WSCD2: variants seen among roughly 807,000 people sequenced by gnomAD.
WSCD2 encodes WSC domain sialate O sulfotransferase 2, also known as sialate:O-sulfotransferase 2.
WSCD2 carries 28 observed loss-of-function variants against 55.7 expected under a neutral mutation model. The ratio of observed to expected loss-of-function variants is 0.50; its 90% CI spans 0.37 to 0.69. The LOEUF is 0.69. Among genes scored for constraint, WSCD2 ranks in the 30% least tolerant of loss-of-function variants. The pLI is 0.00. For synonymous variants in WSCD2, 301 were observed against 301.9 expected (o/e 1.00, Z 0.03); for missense variants, 616 against 762.1 (o/e 0.81, Z 2.26).
intron 1 of WSCD2, among the ~76,000 whole-genome samples, chr12:108,168,168 C>T (rs553337694): frequency 6.6e-6 from 1 of 152,260 alleles, no homozygotes; most frequent in South Asian, 2.1e-4. Flanking sequence ...ACTAATTTTG[C>T]CTGGAAGCCG....
At chr12:108,132,075 C>T (rs1038011119) in intron 1 of WSCD2, among the ~76,000 whole-genome samples, 5 of 151,778 alleles carry the variant, frequency 3.3e-5, no homozygotes, top group Admixed American at 6.6e-5. Flanking sequence ...TGTGTGCCTG[C>T]GTATGCACAC....
intron 1 of WSCD2, among the ~76,000 whole-genome samples, chr12:108,137,993 C>T (rs1167603899): frequency 6.6e-6 from 1 of 152,212 alleles, no homozygotes; most frequent in Non-Finnish European, 1.5e-5. Flanking sequence ...CTCTCAGCCT[C>T]AGTGGCATCC....
In WSCD2 at chr12:108,196,139, A is replaced by G. The variant is rs761672636; in HGVS notation, c.307A>G (p.Lys103Glu). The change falls in exon 2 of 9, where the codon AAG becomes GAG. Residue 103 changes from lysine to glutamate, a missense_variant. Around this residue, in one of 3 missense-constraint regions of WSCD2, gnomAD observed 374 missense variants for 467.4 expected, o/e 0.80. Coordinates refer to ENST00000547525, the MANE Select transcript of WSCD2 (RefSeq NM_014653.4). ...FKGKDGNERA[K>E]LGDYGGAWSR... ...GGGCAAGGATGGGAATGAGAGAGCC[A>G]AGCTTGGCGACTACGGTGGAGCCTG... is the stretch of plus-strand genomic sequence containing the variant. 3.7e-6 allele frequency: 6 copies of G among 1,614,152 alleles called. No homozygotes were observed. The South Asian group carries it at 6.6e-5, about 18-fold the overall frequency.
intron 1 of WSCD2, among the ~76,000 whole-genome samples, chr12:108,146,879 C>T (rs959388778): frequency 2.0e-5 from 3 of 152,300 alleles, no homozygotes; most frequent in South Asian, 2.1e-4. Flanking sequence ...CAGAGGTTCC[C>T]AAAAGTCCGG....
intron 5 of WSCD2, among the ~76,000 whole-genome samples, chr12:108,225,487 T>C (rs1426265637): frequency 6.6e-6 from 1 of 152,010 alleles, no homozygotes; most frequent in East Asian, 1.9e-4. Context: ...AGGGGTGACA[T>C]TTGAACTGGG....
intron 1 of WSCD2, among the ~76,000 whole-genome samples, chr12:108,181,480 T>C (rs1407653631): frequency 6.6e-6 from 1 of 152,096 alleles, no homozygotes; most frequent in Non-Finnish European, 1.5e-5. Context: ...TGGCCTGGGA[T>C]AAGAAGAGTA....
intron 4 of WSCD2, among the ~76,000 whole-genome samples, chr12:108,214,122 C>T (rs562461143): frequency 6.6e-6 from 1 of 152,224 alleles, no homozygotes; most frequent in Non-Finnish European, 1.5e-5. Context: ...TGAGCGAACA[C>T]TCCAGCAAAC....
At chr12:108,227,893 T>C (rs1888315386) in intron 6 of WSCD2, among the ~76,000 whole-genome samples, 1 of 152,100 alleles carries the variant, frequency 6.6e-6, no homozygotes, top group Non-Finnish European at 1.5e-5. Flanking sequence ...ATGACGATGA[T>C]GGTGATGAGA....
In WSCD2 at chr12:108,206,528, T is replaced by C. The variant is rs115310794; in HGVS notation, c.497+125T>C. On this transcript the variant is annotated intron_variant, in intron 3 of 8. Transcript: ENST00000547525. ...GGTGAGCACGTGACCACAGGAAAGG[T>C]TGACGCAAGGGTGTGTGTGCATTGT... The C allele has an allele frequency of 1.6e-3, 1,435 of 878,242 alleles. 19 individuals carry two copies. The African/African-American group carries it at 0.021, about 13-fold the overall frequency. 54.4% of individuals were successfully genotyped at this position (878,242 alleles called of 1,614,324 possible).
intron 1 of WSCD2, among the ~76,000 whole-genome samples, chr12:108,132,628 T>G (rs1351051976): frequency 6.6e-6 from 1 of 151,884 alleles, no homozygotes; most frequent in African/African-American, 2.4e-5. Flanking sequence ...TATATGTGAG[T>G]CATGTGTGTC....
chr12:108,164,139 C>CTTTTTTTTTTTTTTTTTTT (rs1555224800), intron 1 of WSCD2, among the ~76,000 whole-genome samples: 12 of 85,328 alleles, frequency 1.4e-4, no homozygotes, highest in Non-Finnish European at 1.7e-4. Flanking sequence ...ATCTTAAATC[C>CTTTTTTTTTTTTTTTTTTT]TTTTTTTTTT....
At chr12:108,205,424 T>C (rs114642155) in intron 2 of WSCD2, among the ~76,000 whole-genome samples, 171 of 152,256 alleles carry the variant, frequency 1.1e-3, no homozygotes, top group African/African-American at 3.8e-3. Context: ...AAAAAACATA[T>C]GGGAAAAGAC....
chr12:108,236,557 T>C (rs868518060), intron 7 of WSCD2, among the ~76,000 whole-genome samples: 1 of 151,086 alleles, frequency 6.6e-6, no homozygotes, highest in Middle Eastern at 3.2e-3. Context: ...ATCTGCCATC[T>C]GGCGCTCTTT....
chr12:108,224,878 C>A lies in WSCD2; in HGVS notation c.804+18C>A, dbSNP rs1162885182. On this transcript the variant is annotated intron_variant, in intron 5 of 8. Coordinates refer to ENST00000547525, the MANE Select transcript of WSCD2 (RefSeq NM_014653.4). ...CTGAGAAGGTGAGCACAAGGTGGGG[C>A]CCATGGAACTCAGGGGGAGGGAACC... 6.2e-7 allele frequency: 1 copy of A among 1,609,644 alleles called. No individual in the cohort carries two copies. Among genetic ancestry groups the A allele is most frequent in the Non-Finnish European group, 8.5e-7 (1 of 1,179,116 alleles).
intron 1 of WSCD2, among the ~76,000 whole-genome samples, chr12:108,162,434 C>T (rs1472796959): frequency 6.6e-6 from 1 of 152,212 alleles, no homozygotes; most frequent in Non-Finnish European, 1.5e-5. Flanking sequence ...AAGCAACACC[C>T]TCAGTCCCCA....
intron 7 of WSCD2, 103 bp from the exon 8 acceptor site, chr12:108,240,241 G>T: frequency 7.0e-7 from 1 of 1,429,496 alleles, no homozygotes; most frequent in South Asian, 1.2e-5. Context: ...ATGACTGAGT[G>T]AACAAATGCA....
At chr12:108,216,221 G>C (rs891804975) in intron 4 of WSCD2, among the ~76,000 whole-genome samples, 2 of 152,138 alleles carry the variant, frequency 1.3e-5, no homozygotes, top group African/African-American at 4.8e-5. Flanking sequence ...AAAAGTAATT[G>C]AATCTTGCTA....
In WSCD2 at chr12:108,146,849, G is replaced by A. The variant is rs569913629; in HGVS notation, c.-552+16923G>A. ...AGGTCCTTCAAGCTCAAGTCAGGAT[G>A]GATCAGGGTTAGGGTCTTCCAGAGG... On this transcript the variant is annotated intron_variant, in intron 1 of 8. Coordinates refer to ENST00000547525, the MANE Select transcript of WSCD2 (RefSeq NM_014653.4). 3.3e-5 allele frequency among the ~76,000 whole-genome samples: 5 copies of A among 152,358 alleles called. No individual in the cohort carries two copies. The South Asian group carries it at 8.3e-4, about 25-fold the overall frequency.
chr12:108,173,810 C>CTCTCTCTCTGTGTG (rs376999073), intron 1 of WSCD2, among the ~76,000 whole-genome samples: 1 of 131,144 alleles, frequency 7.6e-6, no homozygotes, highest in African/African-American at 3.1e-5. Flanking sequence ...TCCTGGCTCT[C>CTCTCTCTCTGTGTG]TGTGTGTGTG....
Sources: gnomAD v4.1 joint callset for allele counts (sites outside exome capture counted in the v4.1 genomes callset) on GRCh38, gnomAD v4.1.1 for gene constraint, gnomAD v4.1.1 regional missense constraint, MANE v1.5 for transcripts, NCBI Gene and HGNC (gene_info 2026-07-23, HGNC 2026-07-21) for gene names.